CHRM3: variants seen among roughly 807,000 people sequenced by gnomAD.
CHRM3 encodes cholinergic receptor muscarinic 3.
A neutral mutation model predicts 41.8 loss-of-function variants in CHRM3; 11 were observed. That is an observed-to-expected ratio of 0.26 (90% CI 0.17 to 0.44). The LOEUF is 0.44. CHRM3 is among the 20% of genes least tolerant of loss of function. The pLI is 1.00. For synonymous variants in CHRM3, 297 were observed against 301.4 expected, an observed-to-expected ratio of 0.99 and a Z score of 0.15; for missense variants, 571 against 745.4, an observed-to-expected ratio of 0.77 and a Z score of 2.72.
chr1:239,873,835 G>C (rs1312449784), intron 6 of CHRM3, among the ~76,000 whole-genome samples: 4 of 151,882 alleles, frequency 2.6e-5, no homozygotes. Context: ...TTTTGCTTTG[G>C]GATCCAAGAA....
At position 239,777,825 on chromosome 1, in the gene CHRM3, C is replaced by T. The variant is rs552507504; in HGVS notation, c.-146-49427C>T. 3.9e-5 allele frequency among the ~76,000 whole-genome samples: 6 copies of T among 152,228 alleles called. No individual in the cohort carries two copies. The East Asian group carries it at 1.2e-3, about 29-fold the overall frequency. On this transcript the variant is annotated intron_variant, in intron 5 of 6. Transcript: ENST00000676153. ...ATATTAGCCAAAAATGTGAATCCTT[C>T]AAATAGTTACAGGGTTGTATTTCCT...
At chr1:239,788,879 G>C (rs527693932) in intron 5 of CHRM3, among the ~76,000 whole-genome samples, 38 of 152,248 alleles carry the variant, frequency 2.5e-4, no homozygotes, top group African/African-American at 9.1e-4. Context: ...TATATTTTAT[G>C]CCATTTTAAT....
At chr1:239,825,316 T>C (rs990800013) in intron 5 of CHRM3, among the ~76,000 whole-genome samples, 2 of 152,342 alleles carry the variant, frequency 1.3e-5, no homozygotes, top group Non-Finnish European at 2.9e-5. Flanking sequence ...ATTTCTCAAC[T>C]TTTATGATGA....
intron 5 of CHRM3, among the ~76,000 whole-genome samples, chr1:239,708,547 G>A (rs1394539795): frequency 2.0e-5 from 3 of 151,978 alleles, no homozygotes; most frequent in Non-Finnish European, 2.9e-5. Context: ...CTCCACCCCT[G>A]GGACTCTCTA....
At chr1:239,874,297 A>ATATATATATATATCTATATACACAG (rs1553291925) in intron 6 of CHRM3, among the ~76,000 whole-genome samples, 19 of 92,200 alleles carry the variant, frequency 2.1e-4, no homozygotes, top group East Asian at 5.8e-4. Context: ...ATATATATAT[A>ATATATATATATATCTATATACACAG]TATATATATA....
At chr1:239,413,034 C>T (rs1312605172) in intron 1 of CHRM3, among the ~76,000 whole-genome samples, 4 of 151,436 alleles carry the variant, frequency 2.6e-5, no homozygotes, top group Admixed American at 6.6e-5. Flanking sequence ...GCCGAGATCC[C>T]GTCACTCCAT....
At chr1:239,791,221 C>T (rs1669327901) in intron 5 of CHRM3, among the ~76,000 whole-genome samples, 1 of 152,182 alleles carries the variant, frequency 6.6e-6, no homozygotes, top group Non-Finnish European at 1.5e-5. Context: ...TCTCCTGCCT[C>T]AGGCACCTGA....
At chr1:239,859,419 GTT>G (rs36006673) in intron 6 of CHRM3, among the ~76,000 whole-genome samples, 14 of 97,488 alleles carry the variant, frequency 1.4e-4, no homozygotes, top group African/African-American at 3.7e-4. Flanking sequence ...TGTTGTTGTT[GTT>G]TTTTTTTTTT....
rs1331247801 is a variant in CHRM3 at position 239,641,915 on chromosome 1, T to G, written c.-250+9629T>G. Among the ~76,000 whole-genome samples, 4 of 127,610 alleles carry G rather than the reference T, an allele frequency of 3.1e-5. 2 individuals carry two copies. Among genetic ancestry groups the G allele is most frequent in the African/African-American group, 1.3e-4 (4 of 31,778 alleles). 83.7% of individuals were successfully genotyped at this position (127,610 alleles called of 152,430 possible). A position where few individuals can be genotyped will look rare whatever the true frequency, so the allele number is the denominator to read the frequency against. ...GCAGTGGCTGGTACCGGTTGTTCCT[T>G]TCCGTGTTTAGTGCTTCCTTCAGGA... On this transcript the variant is annotated intron_variant, in intron 4 of 6. Transcript: ENST00000676153.
intron 5 of CHRM3, among the ~76,000 whole-genome samples, chr1:239,771,643 G>T (rs1667684190): frequency 6.6e-6 from 1 of 152,130 alleles, no homozygotes; most frequent in Non-Finnish European, 1.5e-5. Flanking sequence ...TCTGTATAGG[G>T]GCAGATAGTA....
intron 5 of CHRM3, chr1:239,707,139 G>A (rs2148166198): frequency 6.6e-6 from 1 of 152,210 alleles, no homozygotes; most frequent in South Asian, 2.1e-4. Flanking sequence ...GTAAGGTGGG[G>A]ATAAATATGT....
chr1:239,742,776 G>A (rs897494071), intron 5 of CHRM3, among the ~76,000 whole-genome samples: 8 of 152,198 alleles, frequency 5.3e-5, no homozygotes, highest in African/African-American at 1.9e-4. Flanking sequence ...TTGCAAGTCT[G>A]AAAACTGGGA....
At chr1:239,660,238 C>A (rs746870796) in intron 4 of CHRM3, among the ~76,000 whole-genome samples, 3 of 152,186 alleles carry the variant, frequency 2.0e-5, no homozygotes, top group Non-Finnish European at 4.4e-5. Context: ...CTACCTCGGC[C>A]TCCCAAAGTA....
chr1:239,607,611 G>A (rs1666495551), intron 3 of CHRM3, among the ~76,000 whole-genome samples: 1 of 151,742 alleles, frequency 6.6e-6, no homozygotes, highest in South Asian at 2.1e-4. Context: ...TTTTTTACAT[G>A]TAAATTATTT....
chr1:239,539,945 A>G (rs1572648074), intron 2 of CHRM3, among the ~76,000 whole-genome samples: 1 of 152,074 alleles, frequency 6.6e-6, no homozygotes, highest in Admixed American at 6.6e-5. Flanking sequence ...CACCTTTTCT[A>G]TGTTTAGATG....
At chr1:239,452,902 G>A (rs1664659416) in intron 1 of CHRM3, among the ~76,000 whole-genome samples, 1 of 152,200 alleles carries the variant, frequency 6.6e-6, no homozygotes, top group African/African-American at 2.4e-5. Flanking sequence ...CCGGGTTCAC[G>A]CCATTCTCCT....
chr1:239,666,472 G>A (rs544165124), intron 4 of CHRM3, among the ~76,000 whole-genome samples: 26 of 152,092 alleles, frequency 1.7e-4, no homozygotes, highest in African/African-American at 6.3e-4. Flanking sequence ...GATTACAGGC[G>A]TGAGTCACCG....
intron 2 of CHRM3, among the ~76,000 whole-genome samples, chr1:239,514,306 A>AT (rs1247028427): frequency 6.6e-6 from 1 of 151,798 alleles, no homozygotes; most frequent in African/African-American, 2.4e-5. Flanking sequence ...GATTTCTTTC[A>AT]TTGGAGTTTT....
At chr1:239,866,269 C>T (rs1367062301) in intron 6 of CHRM3, among the ~76,000 whole-genome samples, 5 of 151,920 alleles carry the variant, frequency 3.3e-5, no homozygotes, top group African/African-American at 1.2e-4. Context: ...CCCAGCTACT[C>T]GGGAGGCTGA....
Sources: allele counts gnomAD v4.1 joint callset (sites outside exome capture counted in the v4.1 genomes callset), GRCh38; gene constraint gnomAD v4.1.1; transcripts MANE v1.5; gene names NCBI Gene and HGNC (gene_info 2026-07-23, HGNC 2026-07-21).